TBX10: variants seen among roughly 807,000 people sequenced by gnomAD.
TBX10 encodes the protein T-box transcription factor TBX10.
A neutral mutation model predicts 32.4 loss-of-function variants in TBX10; 26 were observed. That is an observed-to-expected ratio of 0.80 (90% CI 0.59 to 1.11). TBX10 has a LOEUF of 1.11. TBX10 is among the 50% of genes most tolerant of loss of function. The probability of loss-of-function intolerance (pLI) is 0.00; values close to 1 mark genes in which losing one functional copy is unlikely to be tolerated. For synonymous variants in TBX10, 195 were observed against 203.1 expected (o/e 0.96, Z 0.34); for missense variants, 490 against 494.5 (o/e 0.99, Z 0.09).
At chr11:67,640,977 C>T (rs183854065), upstream of TBX10, among the ~76,000 whole-genome samples, 223 of 152,164 alleles carry the variant, frequency 1.5e-3, 3 homozygotes, top group Admixed American at 0.014. Flanking sequence ...ACCCCATGCC[C>T]GGCTGTGTGA....
At chr11:67,637,122 C>T (rs527913243) in intron 1 of TBX10, among the ~76,000 whole-genome samples, 9 of 152,294 alleles carry the variant, frequency 5.9e-5, no homozygotes, top group East Asian at 3.9e-4. Context: ...ATAGGCCGTA[C>T]GTGGTGAGGC....
At chr11:67,638,300 T>C (rs1855358254) in intron 1 of TBX10, among the ~76,000 whole-genome samples, 1 of 152,120 alleles carries the variant, frequency 6.6e-6, no homozygotes. Flanking sequence ...ATTAAAATGT[T>C]TTAAATGGAA....
intron 1 of TBX10, among the ~76,000 whole-genome samples, chr11:67,636,027 C>T (rs943136884): frequency 1.3e-5 from 2 of 150,042 alleles, no homozygotes; most frequent in Admixed American, 1.3e-4. Context: ...AGAAAAGAAA[C>T]CAGAAAATAA....
intron 3 of TBX10, 129 bp downstream of exon 3, chr11:67,634,687 C>A: frequency 9.4e-7 from 1 of 1,062,392 alleles, no homozygotes; most frequent in Non-Finnish European, 1.4e-6. Flanking sequence ...GTCTGTCGTC[C>A]TGCCCTTAGG....
Position 67,639,668 on chromosome 11 carries a change from G to T in TBX10, c.-196C>A. 1.4e-6 allele frequency: 1 copy of T among 716,678 alleles called. No individual in the cohort carries two copies. Among genetic ancestry groups the T allele is most frequent in the Non-Finnish European group, 2.4e-6 (1 of 413,992 alleles). 44.4% of individuals were successfully genotyped at this position (716,678 alleles called of 1,614,324 possible). A position where few individuals can be genotyped will look rare whatever the true frequency, so the allele number is the denominator to read the frequency against. ...CCTTCGTCCACGTCCTGAGGTCGTG[G>T]TCTTCCTACTCGAGCTGGACCCCTG... On this transcript the variant is annotated 5_prime_UTR_variant, in exon 1 of 8. Transcript: ENST00000335385.
At chr11:67,636,059 A>T (rs1235649741) in intron 1 of TBX10, among the ~76,000 whole-genome samples, 1 of 150,164 alleles carries the variant, frequency 6.7e-6, no homozygotes, top group African/African-American at 2.4e-5. Context: ...AAGGAGATGG[A>T]AAAATTAGAA....
At chr11:67,633,314 C>T (rs919870901) in intron 4 of TBX10, among the ~76,000 whole-genome samples, 7 of 152,116 alleles carry the variant, frequency 4.6e-5, no homozygotes, top group Non-Finnish European at 1.0e-4. Flanking sequence ...CTCTCACACC[C>T]CACATCCCAG....
intron 1 of TBX10, among the ~76,000 whole-genome samples, chr11:67,636,184 T>C (rs1375958485): frequency 6.7e-6 from 1 of 148,802 alleles, no homozygotes; most frequent in Admixed American, 6.8e-5. Flanking sequence ...TGGCCTCAAG[T>C]GATCCTCCCA....
chr11:67,632,702 C>T (rs766632241), intron 5 of TBX10, 32 bp from the exon 6 acceptor site: 25 of 1,613,060 alleles, frequency 1.5e-5, no homozygotes, highest in Non-Finnish European at 2.1e-5. Flanking sequence ...TGTGGGCTGG[C>T]CATGAGCCAG....
At chr11:67,641,202 G>A (rs1855399994), upstream of TBX10, among the ~76,000 whole-genome samples, 1 of 151,900 alleles carries the variant, frequency 6.6e-6, no homozygotes, top group Non-Finnish European at 1.5e-5. Context: ...CCCAGGGGAG[G>A]GCCAGGCTGG....
rs1205480234 is a variant in TBX10, at chr11:67,639,682, G to A, written c.-210C>T. On this transcript the variant is annotated 5_prime_UTR_variant, in exon 1 of 8. Transcript: ENST00000335385. ...CTGAGGTCGTGGTCTTCCTACTCGA[G>A]CTGGACCCCTGGTCTCCGAAGGTGA... is the stretch of plus-strand genomic sequence containing the variant. The A allele has an allele frequency of 4.5e-6, 3 of 661,050 alleles. No homozygotes were observed. Among genetic ancestry groups the A allele is most frequent in the Non-Finnish European group, 8.1e-6 (3 of 370,126 alleles). 40.9% of individuals were successfully genotyped at this position (661,050 alleles called of 1,614,324 possible).
At chr11:67,631,980 C>T (rs1238675538) in intron 7 of TBX10, 86 bp from the exon 8 acceptor site, 1 of 1,524,672 alleles carries the variant, frequency 6.6e-7, no homozygotes, top group Non-Finnish European at 8.9e-7. Flanking sequence ...TCCTGCTCCT[C>T]CTTCCCAAGT....
chr11:67,636,105 G>A (rs1331561156), intron 1 of TBX10, among the ~76,000 whole-genome samples: 1 of 137,694 alleles, frequency 7.3e-6, no homozygotes, highest in Non-Finnish European at 1.5e-5. Context: ...TTGAGGCAGG[G>A]TCTCACTCTG....
chr11:67,638,444 T>C lies in TBX10; in HGVS notation c.7+1022A>G, dbSNP rs570525784. On this transcript the variant is annotated intron_variant, in intron 1 of 7. Coordinates refer to ENST00000335385, the MANE Select transcript of TBX10 (RefSeq NM_005995.5). ...ATTCCCAGCTGTGTCCCCACCCGAGTGGCTTTGGGATATTTACACGACTGT... is the reference window on the plus strand; with the variant it reads ...ATTCCCAGCTGTGTCCCCACCCGAGCGGCTTTGGGATATTTACACGACTGT... Among the ~76,000 whole-genome samples, 541 of 152,076 alleles carry C rather than the reference T, an allele frequency of 3.6e-3. 4 individuals are homozygous for C. Among genetic ancestry groups the C allele is most frequent in the African/African-American group, 0.013 (520 of 41,480 alleles).
At chr11:67,640,955 G>A (rs1011676207), upstream of TBX10, among the ~76,000 whole-genome samples, 11 of 152,172 alleles carry the variant, frequency 7.2e-5, no homozygotes, top group Non-Finnish European at 2.9e-5. Context: ...AGGAGGGCCG[G>A]CCCCTGGCCC....
chr11:67,635,256 T>C lies in TBX10; in HGVS notation c.15A>G (p.Leu5=), dbSNP rs751568617. 6.2e-7 allele frequency: 1 copy of C among 1,613,196 alleles called. No individual in the cohort carries two copies. Among genetic ancestry groups the C allele is most frequent in the Admixed American group, 1.7e-5 (1 of 59,992 alleles). ...GTGCAAGTATGCCGAGGCCAGCAGA[T>C]AGGAAGGCTGTGGAGAGAGGACGGA... MAAF[L]SAGLGILAPS... Residue 5 remains leucine (L), a synonymous_variant, in exon 2 of 8, where the codon CTA becomes CTG. Transcript: ENST00000335385.
Position 67,631,622 on chromosome 11 carries a change from C to T in TBX10, c.1141G>A (p.Gly381Ser). Residue 381 changes from glycine to serine, a missense_variant, in exon 8 of 8, where the codon GGC becomes AGC. Physicochemically the swap from Gly to Ser is moderately conservative, Grantham distance 56. This residue lies in a region of TBX10 where 177 missense variants were observed against 176.6 expected (regional missense o/e 1.00). Coordinates refer to ENST00000335385, the MANE Select transcript of TBX10 (RefSeq NM_005995.5). The part of the protein sequence containing the change: ...LSPTVVCLGP[G>S]QDSQ ...TTCTGGCATCACTGGGAGTCCTGGCCAGGCCCCAGGCACACCACAGTGGGG... is the reference window on the plus strand; with the variant it reads ...TTCTGGCATCACTGGGAGTCCTGGCTAGGCCCCAGGCACACCACAGTGGGG... 1 of 1,599,810 alleles carries T rather than the reference C, an allele frequency of 6.3e-7. No homozygotes were observed. The highest frequency in any genetic ancestry group is 8.5e-7 in the Non-Finnish European group (1 of 1,176,818).
chr11:67,637,454 T>G (rs1056152687), intron 1 of TBX10, among the ~76,000 whole-genome samples: 1 of 152,226 alleles, frequency 6.6e-6, no homozygotes, highest in Non-Finnish European at 1.5e-5. Context: ...ACCTGACGTG[T>G]CCACCCTACT....
intron 1 of TBX10, among the ~76,000 whole-genome samples, chr11:67,635,597 C>G (rs532676790): frequency 6.6e-6 from 1 of 150,472 alleles, no homozygotes; most frequent in Non-Finnish European, 1.5e-5. Context: ...ACCTGCCTCA[C>G]AAGGCCGATG....
Sources: gnomAD v4.1 joint callset for allele counts (sites outside exome capture counted in the v4.1 genomes callset) on GRCh38, gnomAD v4.1.1 for gene constraint, gnomAD v4.1.1 regional missense constraint, MANE v1.5 for transcripts, NCBI Gene and HGNC (gene_info 2026-07-23, HGNC 2026-07-21) for gene names.